CEP85L: variants seen among roughly 807,000 people sequenced by gnomAD.
CEP85L encodes centrosomal protein 85L, also known as centrosomal protein of 85 kDa-like.
A neutral mutation model predicts 100.3 loss-of-function variants in CEP85L; 60 were observed. That is an observed-to-expected ratio of 0.60 (90% CI 0.49 to 0.74). The LOEUF is 0.74. Among genes scored for constraint, CEP85L ranks in the 30% least tolerant of loss-of-function variants. CEP85L has a pLI of 0.00. For synonymous variants in CEP85L, 319 were observed against 322.7 expected, an observed-to-expected ratio of 0.99 and a Z score of 0.12; for missense variants, 973 against 936.2, an observed-to-expected ratio of 1.04 and a Z score of -0.51.
rs550553901 is a variant in CEP85L at position 118,650,591 on chromosome 6, G to A, written c.73+606C>T. 6.6e-5 allele frequency among the ~76,000 whole-genome samples: 10 copies of A among 152,340 alleles called. No homozygotes were observed. The South Asian group carries it at 1.7e-3, about 25-fold the overall frequency. Reference sequence around the variant, plus strand: ...CCTCTTACGCCGCAGGGGCTGCGGGGCGGCGACCAGGTTCCTCCGAGGGGC... The same window carrying A: ...CCTCTTACGCCGCAGGGGCTGCGGGACGGCGACCAGGTTCCTCCGAGGGGC... On this transcript the variant is annotated intron_variant, in intron 1 of 12. Coordinates refer to ENST00000368491, the MANE Select transcript of CEP85L (RefSeq NM_001042475.3).
At chr6:118,687,356 G>C (rs960797489) in intron 1 of CEP85L, among the ~76,000 whole-genome samples, 1 of 152,128 alleles carries the variant, frequency 6.6e-6, no homozygotes, top group Non-Finnish European at 1.5e-5. Context: ...CTCCCAAGTA[G>C]CTGGAATTAC....
intron 5 of CEP85L, chr6:118,502,944 T>C (rs1775400782): frequency 2.5e-6 from 1 of 399,006 alleles, no homozygotes; most frequent in Non-Finnish European, 4.7e-6. Context: ...GGCCACCTGG[T>C]ATTTGATTAT....
intron 3 of CEP85L, among the ~76,000 whole-genome samples, chr6:118,558,145 T>G (rs1451760248): frequency 8.5e-5 from 13 of 152,074 alleles, no homozygotes; most frequent in Non-Finnish European, 1.9e-4. Context: ...GAGACAGGGT[T>G]TCACCATGTT....
intron 5 of CEP85L, among the ~76,000 whole-genome samples, chr6:118,500,131 C>T (rs1011701301): frequency 4.3e-5 from 6 of 140,166 alleles, no homozygotes; most frequent in African/African-American, 1.6e-4. Context: ...TGAGACCTTG[C>T]CTCTACTAAA....
intron 5 of CEP85L, chr6:118,502,915 T>C (rs555600272): frequency 4.3e-6 from 2 of 463,208 alleles, no homozygotes; most frequent in Non-Finnish European, 8.1e-6. Context: ...AGACACGGAG[T>C]GGACCTAGTG....
chr6:118,659,629 A>G (rs1040336379), intron 1 of CEP85L, among the ~76,000 whole-genome samples: 8 of 152,240 alleles, frequency 5.3e-5, no homozygotes, highest in African/African-American at 4.8e-5. Flanking sequence ...GGAGCATTCA[A>G]TCAGCATTCG....
chr6:118,614,961 T>G (rs987255108), intron 2 of CEP85L, among the ~76,000 whole-genome samples: 1 of 152,234 alleles, frequency 6.6e-6, no homozygotes, highest in Non-Finnish European at 1.5e-5. Flanking sequence ...CTAAACTTAT[T>G]TCTGTGTTCT....
At chr6:118,553,215 TAA>T (rs59502810) in intron 3 of CEP85L, among the ~76,000 whole-genome samples, 88,139 of 138,760 alleles carry the variant, frequency 0.64, 27,674 homozygotes, top group Middle Eastern at 0.72. Context: ...GTTAAGAAAT[TAA>T]AAAAAAAAAA....
Position 118,600,300 on chromosome 6 carries a change from G to GTGTGTGTGTGTGTGTGT in CEP85L, c.232+32152_232+32153insACACACACACACACACA, listed in dbSNP as rs1554228039. 1.8e-3 allele frequency among the ~76,000 whole-genome samples: 94 copies of GTGTGTGTGTGTGTGTGT among 52,244 alleles called. 19 individuals carry two copies. The highest frequency in any genetic ancestry group is 2.3e-3 in the African/African-American group (34 of 14,646). 34.3% of individuals were successfully genotyped at this position (52,244 alleles called of 152,430 possible). A position where few individuals can be genotyped will look rare whatever the true frequency, so the allele number is the denominator to read the frequency against. Reference sequence around the variant, plus strand: ...CTGCCTGTCCCTGAGCCTTCCTGGGGGTGTGTGTGTGTGTGTGTGTGTGTG... The same window carrying GTGTGTGTGTGTGTGTGT: ...CTGCCTGTCCCTGAGCCTTCCTGGGGTGTGTGTGTGTGTGTGTGTGTGTGTGTGTGTGTGTGTGTGTG... On this transcript the variant is annotated intron_variant, in intron 2 of 12. Transcript: ENST00000368491.
chr6:118,563,044 T>C (rs983328121), intron 3 of CEP85L, among the ~76,000 whole-genome samples: 9 of 152,082 alleles, frequency 5.9e-5, no homozygotes, highest in African/African-American at 1.7e-4. Context: ...ATAGTCCCTA[T>C]AGAGTCAGGC....
At chr6:118,658,960 G>T (rs1562345374) in intron 1 of CEP85L, among the ~76,000 whole-genome samples, 2 of 152,056 alleles carry the variant, frequency 1.3e-5, no homozygotes, top group African/African-American at 2.4e-5. Flanking sequence ...ATATTTTGTA[G>T]TGTTATTTTG....
chr6:118,526,619 G>A (rs1226560109), intron 3 of CEP85L, among the ~76,000 whole-genome samples: 3 of 152,180 alleles, frequency 2.0e-5, no homozygotes, highest in Non-Finnish European at 4.4e-5. Flanking sequence ...CAAGATACAG[G>A]TCACAAAGAC....
At chr6:118,507,890 A>T (rs1775749781) in intron 5 of CEP85L, among the ~76,000 whole-genome samples, 2 of 152,200 alleles carry the variant, frequency 1.3e-5, no homozygotes. Context: ...ACCCTGTGCG[A>T]ATCAACACAC....
At chr6:118,636,719 T>C (rs1342353777) in intron 1 of CEP85L, among the ~76,000 whole-genome samples, 1 of 152,176 alleles carries the variant, frequency 6.6e-6, no homozygotes, top group Admixed American at 6.5e-5. Context: ...CTGATCCCCT[T>C]TGATTAAATA....
At chr6:118,617,184 T>C (rs888728410) in intron 2 of CEP85L, among the ~76,000 whole-genome samples, 19 of 152,278 alleles carry the variant, frequency 1.2e-4, no homozygotes, top group Non-Finnish European at 2.4e-4. Flanking sequence ...GCATCAGGGA[T>C]TACTTCGGTT....
chr6:118,550,611 GATC>G (rs1778485599), intron 3 of CEP85L, among the ~76,000 whole-genome samples: 1 of 151,784 alleles, frequency 6.6e-6, no homozygotes, highest in Non-Finnish European at 1.5e-5. Context: ...AACTGCTCAA[GATC>G]ACAGAACTAA....
rs1353419169 is a variant in CEP85L, at chr6:118,569,474, C to CA, written c.233-3159dup. 4.7e-5 allele frequency among the ~76,000 whole-genome samples: 7 copies of CA among 147,522 alleles called. No individual in the cohort carries two copies. In the Admixed American group the frequency reaches 4.7e-4, roughly 10 times the overall value. On this transcript the variant is annotated intron_variant, in intron 2 of 12. Transcript: ENST00000368491. ...TTAAAGTATAATAAAAATATATATT[C>CA]AAAAAAATAAATAAATAAAAATAAA...
intron 2 of CEP85L, among the ~76,000 whole-genome samples, chr6:118,581,214 G>T (rs777033065): frequency 3.3e-5 from 5 of 152,046 alleles, no homozygotes; most frequent in Non-Finnish European, 5.9e-5. Flanking sequence ...ACAGCCATTT[G>T]GTTCCTACAT....
At chr6:118,599,558 A>G (rs1394092830) in intron 2 of CEP85L, among the ~76,000 whole-genome samples, 4 of 152,178 alleles carry the variant, frequency 2.6e-5, no homozygotes, top group East Asian at 1.9e-4. Flanking sequence ...TCTAACTCCT[A>G]TTTTCAGTGT....
Sources: gnomAD v4.1 joint callset for allele counts (sites outside exome capture counted in the v4.1 genomes callset) on GRCh38, gnomAD v4.1.1 for gene constraint, MANE v1.5 for transcripts, NCBI Gene and HGNC (gene_info 2026-07-23, HGNC 2026-07-21) for gene names.